Variants in COL6A6 observed in about 807,000 individuals in gnomAD.
The protein encoded by COL6A6 is collagen type VI alpha 6 chain, also known as collagen alpha-6(VI) chain.
A neutral mutation model predicts 208.6 loss-of-function variants in COL6A6; 183 were observed. The ratio of observed to expected loss-of-function variants is 0.88; its 90% CI spans 0.78 to 0.99. COL6A6 has a LOEUF of 0.99. COL6A6 is among the 50% of genes least tolerant of loss of function. The pLI is 0.00. For missense variants in COL6A6, 2,816 were observed against 2,815.2 expected (o/e 1.00, Z -0.01); for synonymous variants, 973 against 1,011.8 (o/e 0.96, Z 0.73).
intron 26 of COL6A6, among the ~76,000 whole-genome samples, chr3:130,634,248 A>T (rs1386957318): frequency 8.9e-5 from 5 of 56,492 alleles, no homozygotes; most frequent in African/African-American, 5.3e-4. Flanking sequence ...TAAATAAAAA[A>T]AAAAAAAAAA....
chr3:130,553,896 C>T (rs9870232), intron 1 of COL6A6, among the ~76,000 whole-genome samples: 104,508 of 151,422 alleles, frequency 0.69, 39,562 homozygotes, highest in Non-Finnish European at 0.85. Context: ...TCTTTGATGT[C>T]CTTGGGAGTT....
chr3:130,627,166 A>G (rs557157419), intron 25 of COL6A6, among the ~76,000 whole-genome samples, 153 bp from the exon 26 acceptor site: 2 of 152,296 alleles, frequency 1.3e-5, no homozygotes, highest in African/African-American at 4.8e-5. Flanking sequence ...TAGTACTACT[A>G]TCATAAAATG....
At chr3:130,579,296 C>T (rs534923796) in intron 8 of COL6A6, among the ~76,000 whole-genome samples, 1 of 152,258 alleles carries the variant, frequency 6.6e-6, no homozygotes, top group African/African-American at 2.4e-5. Context: ...ACTGTCTGAT[C>T]CAATTCACTC....
intron 1 of COL6A6, among the ~76,000 whole-genome samples, chr3:130,531,039 GAC>G (rs66824865): frequency 8.1e-4 from 112 of 138,026 alleles, no homozygotes; most frequent in South Asian, 3.0e-3. Flanking sequence ...CACACACACA[GAC>G]ACACACACAC....
At chr3:130,653,969 C>T (rs2065717539) in intron 33 of COL6A6, among the ~76,000 whole-genome samples, 1 of 152,206 alleles carries the variant, frequency 6.6e-6, no homozygotes, top group Non-Finnish European at 1.5e-5. Flanking sequence ...CCTAAATTAT[C>T]AGCAGGGACC....
intron 18 of COL6A6, among the ~76,000 whole-genome samples, chr3:130,595,245 C>T (rs2063822237): frequency 6.6e-6 from 1 of 151,766 alleles, no homozygotes; most frequent in Admixed American, 6.6e-5. Context: ...AACATCAGTA[C>T]TATAGGATTT....
rs747363377 is a variant in COL6A6, at chr3:130,570,814, T to C, written c.2402-4T>C. 2.5e-6 allele frequency: 4 copies of C among 1,603,910 alleles called. No homozygotes were observed. Among genetic ancestry groups the C allele is most frequent in the Admixed American group, 1.7e-5 (1 of 59,594 alleles). ...TATGGTTTACCTCTCTCTTCCTCTT[T>C]CAGAATGCAAGCGGATTGAAGTTTT... On this transcript the variant is annotated splice_region_variant and splice_polypyrimidine_tract_variant and intron_variant, in intron 6 of 36. Transcript: ENST00000358511.
At chr3:130,589,260 G>A in intron 12 of COL6A6, 78 bp downstream of exon 12, 1 of 974,708 alleles carries the variant, frequency 1.0e-6, no homozygotes, top group Non-Finnish European at 1.6e-6. Context: ...GAAATAAGGG[G>A]TGATTTTTAA....
chr3:130,655,569 T>G (rs1356677689), intron 33 of COL6A6, among the ~76,000 whole-genome samples: 4 of 152,168 alleles, frequency 2.6e-5, no homozygotes, highest in African/African-American at 9.7e-5. Flanking sequence ...CTGTGAGAGA[T>G]CAATGGGCAC....
At chr3:130,655,379 A>G (rs2065760413) in intron 33 of COL6A6, among the ~76,000 whole-genome samples, 1 of 152,232 alleles carries the variant, frequency 6.6e-6, no homozygotes. Context: ...GACCCAGTCC[A>G]GCTTCTGCCT....
At chr3:130,606,319 TTATG>T (rs1310895304) in intron 20 of COL6A6, among the ~76,000 whole-genome samples, 3 of 152,212 alleles carry the variant, frequency 2.0e-5, no homozygotes, top group Non-Finnish European at 4.4e-5. Flanking sequence ...GAAAACTCGA[TTATG>T]TAGTATCATT....
At chr3:130,591,121 A>G (rs994576455) in intron 13 of COL6A6, 27 bp downstream of exon 13, 4 of 1,513,248 alleles carry the variant, frequency 2.6e-6, no homozygotes, top group Non-Finnish European at 3.6e-6. Flanking sequence ...TTTTACCTCC[A>G]TTTATCCCTA....
Position 130,665,020 on chromosome 3 carries a change from C to A in COL6A6, c.6520C>A (p.Pro2174Thr), listed in dbSNP as rs1407000406. ...NSIRRAINKY[P>T]PINLKIKCNR... ...TCTTCTAGGTGCAATCAACAAATAT[C>A]CACCAATAAACTTAAAAATAAAGTG... The change falls in exon 36 of 37, where the codon CCA becomes ACA. Residue 2174 changes from proline to threonine, a missense_variant. Pro to Thr is a conservative substitution (Grantham distance 38). Transcript: ENST00000358511. 6.2e-7 allele frequency: 1 copy of A among 1,603,066 alleles called. No homozygotes were observed. Among genetic ancestry groups the A allele is most frequent in the Admixed American group, 1.7e-5 (1 of 59,024 alleles).
At chr3:130,573,895 T>A in intron 7 of COL6A6, 61 bp from the exon 8 acceptor site, 1 of 1,235,540 alleles carries the variant, frequency 8.1e-7, no homozygotes. Context: ...GAATTTACTC[T>A]TGGTGGATTA....
intron 24 of COL6A6, among the ~76,000 whole-genome samples, chr3:130,622,967 A>G (rs1311421036): frequency 6.6e-6 from 1 of 152,120 alleles, no homozygotes; most frequent in Non-Finnish European, 1.5e-5. Flanking sequence ...AGGAAGGCAC[A>G]AGGTTGGAAA....
chr3:130,578,850 G>C (rs2063354586), intron 8 of COL6A6, among the ~76,000 whole-genome samples: 1 of 152,188 alleles, frequency 6.6e-6, no homozygotes, highest in South Asian at 2.1e-4. Context: ...TCTGCAGTGA[G>C]CATGGTGGAG....
chr3:130,665,042 A>AG lies in COL6A6; in HGVS notation c.6543dup (p.Cys2182ValfsTer5). 3 of 1,609,980 alleles carry AG rather than the reference A, an allele frequency of 1.9e-6. No individual in the cohort carries two copies. The highest frequency in any genetic ancestry group is 2.5e-6 in the Non-Finnish European group (3 of 1,178,020). ...TATCCACCAATAAACTTAAAAATAA[A>AG]GTGCAACAGACTTAACTCTATAGAT... On this transcript the variant is annotated frameshift_variant, in exon 36 of 37. Coordinates refer to ENST00000358511, the MANE Select transcript of COL6A6 (RefSeq NM_001102608.3). LOFTEE classifies it high-confidence loss of function.
In COL6A6 at chr3:130,593,385, G is replaced by A. The variant is rs1043691414; in HGVS notation, c.4470+133G>A. The A allele has an allele frequency of 1.3e-5, 9 of 715,538 alleles. No individual in the cohort carries two copies. The African/African-American group carries it at 1.4e-4, about 11-fold the overall frequency. The allele number at this position is 715,538 out of a possible 1,614,324, so 44.3% of individuals were successfully genotyped here. On this transcript the variant is annotated intron_variant, in intron 17 of 36. Transcript: ENST00000358511. ...TCATAAAACCTCAATCACATACAAC[G>A]ATGAACATTTATTTCTTATGTTTCT... is the stretch of plus-strand genomic sequence containing the variant.
chr3:130,568,072 C>G lies in COL6A6; in HGVS notation c.1869C>G (p.Ile623Met), dbSNP rs998574254. 1 of 1,611,558 alleles carries G rather than the reference C, an allele frequency of 6.2e-7. No homozygotes were observed. The highest frequency in any genetic ancestry group is 1.7e-5 in the Admixed American group (1 of 59,618). The part of the protein sequence containing the change: ...EEACKEMKAD[I>M]MFLVDSSGSI... ...CTTGCAAAGAGATGAAAGCTGACAT[C>G]ATGTTTCTGGTGGACAGTTCTGGAA... is the stretch of plus-strand genomic sequence containing the variant. The change falls in exon 6 of 37, where the codon ATC becomes ATG. Residue 623 changes from isoleucine (I) to methionine (M), a missense_variant. By Grantham distance (10) the Ile-to-Met change is conservative (BLOSUM62 1). Transcript: ENST00000358511.
Sources: gnomAD v4.1 joint callset for allele counts (sites outside exome capture counted in the v4.1 genomes callset) on GRCh38, gnomAD v4.1.1 for gene constraint, MANE v1.5 for transcripts, NCBI Gene and HGNC (gene_info 2026-07-23, HGNC 2026-07-21) for gene names.